ATG7: variants seen among roughly 807,000 people sequenced by gnomAD.
ATG7 encodes ubiquitin-like modifier-activating enzyme ATG7.
Under a neutral mutation model 82.4 loss-of-function variants are expected in ATG7, and 70 were observed. The ratio of observed to expected loss-of-function variants is 0.85; its 90% CI spans 0.70 to 1.04. The LOEUF (loss-of-function observed/expected upper bound fraction) is 1.04, where lower values mean the gene tolerates loss of function less well. Among genes scored for constraint, ATG7 ranks in the 50% least tolerant of loss-of-function variants. The pLI is 0.00. For missense variants in ATG7, 792 were observed against 864.3 expected (o/e 0.92, Z 1.05); for synonymous variants, 287 against 313.0 (o/e 0.92, Z 0.88).
At chr3:11,413,149 C>G (rs1576225199) in intron 19 of ATG7, among the ~76,000 whole-genome samples, 1 of 152,036 alleles carries the variant, frequency 6.6e-6, no homozygotes, top group Admixed American at 6.6e-5. Context: ...AATTTGGATG[C>G]CTTTTATTTA....
chr3:11,516,047 C>A (rs199607021), intron 20 of ATG7, among the ~76,000 whole-genome samples: 4,880 of 144,762 alleles, frequency 0.034, 101 homozygotes, highest in East Asian at 0.073. Context: ...AAAAAAAAAA[C>A]AAAAAAACAT....
intron 14 of ATG7, chr3:11,348,527 G>T (rs1258290943): frequency 1.3e-5 from 2 of 153,714 alleles, no homozygotes; most frequent in African/African-American, 4.8e-5. Flanking sequence ...GATGTGTCTG[G>T]AGTTTGGTGG....
chr3:11,570,568 TA>T, the ATG7 span, among the ~76,000 whole-genome samples: 34 of 152,226 alleles, frequency 2.2e-4, no homozygotes, highest in East Asian at 6.6e-3. Context: ...TAACTGTCCA[TA>T]GAGTAAATAA....
chr3:11,429,633 A>T (rs115755167), intron 20 of ATG7, among the ~76,000 whole-genome samples: 192 of 151,926 alleles, frequency 1.3e-3, no homozygotes, highest in African/African-American at 4.4e-3. Context: ...AATGCACTTG[A>T]TATAAAATTT....
At chr3:11,293,252 G>C (rs1466852252) in intron 3 of ATG7, among the ~76,000 whole-genome samples, 1 of 152,138 alleles carries the variant, frequency 6.6e-6, no homozygotes, top group African/African-American at 2.4e-5. Context: ...TGATTTGGCC[G>C]GGTGTGGTGG....
At chr3:11,447,326 G>C (rs2084661807) in intron 20 of ATG7, among the ~76,000 whole-genome samples, 1 of 152,160 alleles carries the variant, frequency 6.6e-6, no homozygotes, top group East Asian at 1.9e-4. Context: ...AATTAGCCTG[G>C]TGTGGTGGCA....
chr3:11,375,573 C>G (rs567242779), intron 18 of ATG7, among the ~76,000 whole-genome samples: 6 of 152,090 alleles, frequency 3.9e-5, no homozygotes, highest in Non-Finnish European at 1.5e-5. Context: ...TTTCCCCTTG[C>G]CCCCAAGATG....
At chr3:11,360,036 G>GT (rs2076187296) in intron 15 of ATG7, among the ~76,000 whole-genome samples, 1 of 152,078 alleles carries the variant, frequency 6.6e-6, no homozygotes, top group Non-Finnish European at 1.5e-5. Flanking sequence ...TTTGTTATGA[G>GT]TTTTTTTGTT....
At chr3:11,563,639 C>T in the ATG7 span, among the ~76,000 whole-genome samples, 14 of 152,176 alleles carry the variant, frequency 9.2e-5, no homozygotes, top group African/African-American at 2.9e-4. Context: ...AACTTGGCCT[C>T]GGGTTCCATC....
At chr3:11,389,245 A>C (rs1221259560) in intron 19 of ATG7, among the ~76,000 whole-genome samples, 9 of 150,838 alleles carry the variant, frequency 6.0e-5, no homozygotes, top group Admixed American at 1.3e-4. Flanking sequence ...AAAAAAAAAA[A>C]AAAAAAAAAA....
At chr3:11,428,806 A>G (rs2082596781) in intron 20 of ATG7, among the ~76,000 whole-genome samples, 1 of 152,232 alleles carries the variant, frequency 6.6e-6, no homozygotes, top group South Asian at 2.1e-4. Context: ...ATTGTTAGCT[A>G]GAAGAATTTC....
intron 5 of ATG7, among the ~76,000 whole-genome samples, chr3:11,306,528 T>G (rs1381828006): frequency 6.6e-6 from 1 of 152,204 alleles, no homozygotes; most frequent in Non-Finnish European, 1.5e-5. Context: ...GTTCTGGTTT[T>G]AGATTCAAGC....
intron 20 of ATG7, among the ~76,000 whole-genome samples, chr3:11,506,497 C>A (rs1575105102): frequency 7.6e-6 from 1 of 131,932 alleles, no homozygotes. Context: ...GTGGGCAGAT[C>A]ACTTGAGGTC....
intron 9 of ATG7, among the ~76,000 whole-genome samples, chr3:11,323,934 G>C (rs1950529226): frequency 6.6e-6 from 1 of 152,188 alleles, no homozygotes. Context: ...TGTTTTATGG[G>C]ATCATTGTGG....
At chr3:11,470,048 G>T (rs577837571) in intron 20 of ATG7, among the ~76,000 whole-genome samples, 1 of 149,132 alleles carries the variant, frequency 6.7e-6, no homozygotes, top group African/African-American at 2.5e-5. Flanking sequence ...GCGTGCTTCA[G>T]CTACCCAACA....
chr3:11,558,819 T>C (rs2072678420), downstream of ATG7: 7 of 1,610,416 alleles, frequency 4.3e-6, no homozygotes, highest in Middle Eastern at 1.8e-4. Context: ...GGGTCACAGG[T>C]GGTGGCAGCT....
chr3:11,292,202 A>G (rs955142754), intron 3 of ATG7, among the ~76,000 whole-genome samples: 5 of 150,468 alleles, frequency 3.3e-5, no homozygotes, highest in African/African-American at 4.9e-5. Context: ...TGGTTCCCCT[A>G]CTTTCCTAGC....
At chr3:11,355,471 T>C (rs890469138) in intron 14 of ATG7, among the ~76,000 whole-genome samples, 2 of 152,136 alleles carry the variant, frequency 1.3e-5, no homozygotes, top group African/African-American at 4.8e-5. Context: ...ACATGTGCAG[T>C]CCTCTTATCC....
At chr3:11,449,342 C>T (rs928278972) in intron 20 of ATG7, among the ~76,000 whole-genome samples, 13 of 152,144 alleles carry the variant, frequency 8.5e-5, no homozygotes, top group African/African-American at 3.1e-4. Flanking sequence ...TGCACTCCAG[C>T]CTGGGTGATG....
Sources: allele counts gnomAD v4.1 joint callset (sites outside exome capture counted in the v4.1 genomes callset), GRCh38; gene constraint gnomAD v4.1.1; transcripts MANE v1.5; gene names NCBI Gene and HGNC (gene_info 2026-07-23, HGNC 2026-07-21).